Variants in VTI1B observed in about 807,000 individuals in gnomAD.
VTI1B encodes vesicle transport through interaction with t-SNAREs homolog 1B.
VTI1B carries 18 observed loss-of-function variants against 28.6 expected under a neutral mutation model. The ratio of observed to expected loss-of-function variants is 0.63; its 90% confidence interval spans 0.43 to 0.93. The LOEUF is 0.93. Among genes scored for constraint, VTI1B ranks in the 40% least tolerant of loss-of-function variants. VTI1B has a pLI of 0.00. For synonymous variants in VTI1B, 100 were observed against 107.9 expected (o/e 0.93, Z 0.46); for missense variants, 283 against 297.0 (o/e 0.95, Z 0.35).
At position 67,651,474 on chromosome 14, in the gene VTI1B, T is replaced by C. The variant is rs368386202; in HGVS notation, c.610A>G (p.Thr204Ala). The change falls in exon 6 of 6, where the codon ACC becomes GCC. Residue 204 changes from threonine (T) to alanine (A), a missense_variant. Coordinates refer to ENST00000554659, the MANE Select transcript of VTI1B (RefSeq NM_006370.3). ...ATAATGGAAAGCAGCAGCTTGTTGG[T>C]TGTCACTCTACAAAGAGAAGCAAAG... ...ILRSMSRKVT[T>A]NKLLLSIIIL... 9.9e-6 allele frequency: 16 copies of C among 1,613,604 alleles called. 1 individual carries two copies. The highest frequency in any genetic ancestry group is 5.5e-5 in the South Asian group (5 of 91,066).
chr14:67,654,896 G>A (rs2037234262), intron 4 of VTI1B, among the ~76,000 whole-genome samples: 1 of 152,080 alleles, frequency 6.6e-6, no homozygotes, highest in Middle Eastern at 3.4e-3. Context: ...GGGTGTGGTG[G>A]CAGACGCCTG....
Position 67,674,547 on chromosome 14 carries a change from A to C in VTI1B, c.-58T>G, listed in dbSNP as rs2037510550. On this transcript the variant is annotated 5_prime_UTR_variant, in exon 1 of 6. Transcript: ENST00000554659. The stretch of plus-strand genomic sequence containing the variant: ...GATTCGGGGCCCTGGGCCCTTTCCT[A>C]GCCCGGCGGTCAGCCGCCCAGCCCA... 2 of 1,461,490 alleles carry C rather than the reference A, an allele frequency of 1.4e-6. No homozygotes were observed. The highest frequency in any genetic ancestry group is 2.5e-5 in the East Asian group (1 of 39,626). 90.5% of individuals were successfully genotyped at this position (1,461,490 alleles called of 1,614,324 possible).
At chr14:67,665,310 G>A (rs2037388064) in intron 1 of VTI1B, among the ~76,000 whole-genome samples, 2 of 148,832 alleles carry the variant, frequency 1.3e-5, no homozygotes, top group South Asian at 4.2e-4. Context: ...GAGTGAAGTG[G>A]CATGATTACG....
rs1465990408 is a variant in VTI1B at position 67,651,453 on chromosome 14, T to C, written c.631A>G (p.Ile211Val). Reference sequence around the variant, plus strand: ...ATGGCGAGCTCCAGTAAGATGATAATGGAAAGCAGCAGCTTGTTGGTTGTC... The same window carrying C: ...ATGGCGAGCTCCAGTAAGATGATAACGGAAAGCAGCAGCTTGTTGGTTGTC... Reference protein sequence around the residue: ...KVTTNKLLLSIIILLELAILG... With the variant: ...KVTTNKLLLSVIILLELAILG... The change falls in exon 6 of 6, where the codon ATT (isoleucine) becomes GTT (valine). Residue 211 changes from isoleucine to valine, a missense_variant. Coordinates refer to ENST00000554659, the MANE Select transcript of VTI1B (RefSeq NM_006370.3). The C allele has an allele frequency of 3.1e-6, 5 of 1,613,938 alleles. No homozygotes were observed. The highest frequency in any genetic ancestry group is 2.2e-5 in the South Asian group (2 of 91,076).
At chr14:67,656,092 A>C (rs535347071) in intron 4 of VTI1B, among the ~76,000 whole-genome samples, 1 of 152,060 alleles carries the variant, frequency 6.6e-6, no homozygotes, top group Non-Finnish European at 1.5e-5. Context: ...CTAAAAATAC[A>C]AACATTAGCT....
chr14:67,654,439 T>C (rs1041076679), intron 4 of VTI1B, among the ~76,000 whole-genome samples: 2 of 152,138 alleles, frequency 1.3e-5, no homozygotes, highest in Non-Finnish European at 2.9e-5. Flanking sequence ...CCGGCCTCCT[T>C]GGCTTTTAAA....
At chr14:67,665,156 C>A (rs772819819) in intron 1 of VTI1B, among the ~76,000 whole-genome samples, 7 of 152,122 alleles carry the variant, frequency 4.6e-5, no homozygotes, top group Non-Finnish European at 8.8e-5. Flanking sequence ...CCCGGCCAAG[C>A]CCTGACTTTT....
chr14:67,648,904 G>A lies in VTI1B; in HGVS notation c.*2481C>T, dbSNP rs1371428456. On this transcript the variant is annotated 3_prime_UTR_variant, in exon 6 of 6. Coordinates refer to ENST00000554659, the MANE Select transcript of VTI1B (RefSeq NM_006370.3). ...ATCTGATGGAACTAGGGTATAGATA[G>A]AGACCCCAGATTGAAAGGTTCAGGG... The A allele has an allele frequency of 6.6e-6, 1 of 152,184 alleles. No individual in the cohort carries two copies. Among genetic ancestry groups the A allele is most frequent in the African/African-American group, 2.4e-5 (1 of 41,440 alleles). The allele number at this position is 152,184 out of a possible 1,614,324, so 9.4% of individuals were successfully genotyped here. A position where few individuals can be genotyped will look rare whatever the true frequency, so the allele number is the denominator to read the frequency against.
In VTI1B at chr14:67,650,696, TCA is replaced by T. The variant is rs780294795; in HGVS notation, c.*687_*688del. Reference sequence around the variant, plus strand: ...AGCAGCAAGGGAACCTGAGGTTTTGTCACACTTTGTTCTTCCAGGGTTGCTAT... The same window carrying T: ...AGCAGCAAGGGAACCTGAGGTTTTGTCACTTTGTTCTTCCAGGGTTGCTAT... On this transcript the variant is annotated 3_prime_UTR_variant, in exon 6 of 6. Transcript: ENST00000554659. 11 of 1,612,248 alleles carry T rather than the reference TCA, an allele frequency of 6.8e-6. No homozygotes were observed. The highest frequency in any genetic ancestry group is 5.0e-5 in the Admixed American group (3 of 59,994).
intron 3 of VTI1B, among the ~76,000 whole-genome samples, chr14:67,657,500 A>G (rs1190970214): frequency 6.6e-6 from 1 of 152,178 alleles, no homozygotes; most frequent in Non-Finnish European, 1.5e-5. Context: ...TACAGACAGC[A>G]GGAAGAAAAA....
intron 2 of VTI1B, among the ~76,000 whole-genome samples, chr14:67,660,774 T>C (rs965366937): frequency 1.4e-4 from 22 of 152,222 alleles, no homozygotes; most frequent in African/African-American, 5.3e-4. Context: ...CATAGGATTA[T>C]TACTTTTGCT....
intron 1 of VTI1B, among the ~76,000 whole-genome samples, chr14:67,663,370 A>G (rs2037362674): frequency 1.3e-5 from 2 of 152,138 alleles, no homozygotes; most frequent in South Asian, 4.1e-4. Context: ...ATAAGTTGAC[A>G]TAAAGAAAAT....
chr14:67,670,123 G>A (rs1170579547), intron 1 of VTI1B, among the ~76,000 whole-genome samples: 1 of 152,134 alleles, frequency 6.6e-6, no homozygotes, highest in East Asian at 1.9e-4. Context: ...CCGTTAGCAA[G>A]GTGACTGCCC....
Position 67,653,475 on chromosome 14 carries a change from CAA to C in VTI1B, c.562_563del (p.Leu188GlufsTer63), listed in dbSNP as rs866489425. 1.5e-5 allele frequency: 25 copies of C among 1,613,876 alleles called. No individual in the cohort carries two copies. The highest frequency in any genetic ancestry group is 2.0e-5 in the Non-Finnish European group (24 of 1,179,952). ...AACGGAGAATCTTCCGACTTTTGCT[CAA>C]GTTTTCACTTGTGTTTACCAGCTGA... is the stretch of plus-strand genomic sequence containing the variant. ...KSRLVNTSEN[L>X]SKSRKILRSM... On this transcript the variant is annotated frameshift_variant, in exon 5 of 6. Coordinates refer to ENST00000554659, the MANE Select transcript of VTI1B (RefSeq NM_006370.3). LOFTEE classifies it high-confidence loss of function.
intron 1 of VTI1B, among the ~76,000 whole-genome samples, chr14:67,667,974 T>G (rs369089553): frequency 4.3e-4 from 66 of 151,918 alleles, no homozygotes; most frequent in African/African-American, 1.1e-3. Flanking sequence ...ACAAAAAAAA[T>G]GAGGAGTTAG....
Position 67,647,821 on chromosome 14 carries a change from T to C in VTI1B, c.*3564A>G, listed in dbSNP as rs2037120352. 7.3e-6 allele frequency: 4 copies of C among 546,572 alleles called. No individual in the cohort carries two copies. Among genetic ancestry groups the C allele is most frequent in the South Asian group, 7.0e-5 (3 of 43,010 alleles). The allele number at this position is 546,572 out of a possible 1,614,324, so 33.9% of individuals were successfully genotyped here. A position where few individuals can be genotyped will look rare whatever the true frequency, so the allele number is the denominator to read the frequency against. On this transcript the variant is annotated 3_prime_UTR_variant, in exon 6 of 6. Transcript: ENST00000554659. The stretch of plus-strand genomic sequence containing the variant: ...CATTGGAGTTAGTCTGTCTGAGGTA[T>C]GCAGAACAAATGGCAGTATCATGAA...
At chr14:67,667,147 T>C (rs970124125) in intron 1 of VTI1B, among the ~76,000 whole-genome samples, 5 of 152,028 alleles carry the variant, frequency 3.3e-5, no homozygotes, top group African/African-American at 1.2e-4. Flanking sequence ...TGGAGTAAAA[T>C]GGAAACAGAC....
chr14:67,650,715 G>T lies in VTI1B; in HGVS notation c.*670C>A. ...GTTTTGTCACACTTTGTTCTTCCAG[G>T]GTTGCTATCAGCACTGGATCTTGTT... On this transcript the variant is annotated 3_prime_UTR_variant, in exon 6 of 6. Transcript: ENST00000554659. 1.2e-6 allele frequency: 2 copies of T among 1,613,534 alleles called. No individual in the cohort carries two copies. The highest frequency in any genetic ancestry group is 2.2e-5 in the South Asian group (2 of 91,054).
rs544102029 is a variant in VTI1B, at chr14:67,657,598, G to GCA, written c.367-1011_367-1010dup. Among the ~76,000 whole-genome samples, 837 of 112,378 alleles carry GCA rather than the reference G, an allele frequency of 7.4e-3. 3 individuals carry two copies. Among genetic ancestry groups the GCA allele is most frequent in the African/African-American group, 0.014 (389 of 28,282 alleles). The allele number at this position is 112,378 out of a possible 152,430, so 73.7% of individuals were successfully genotyped here. On this transcript the variant is annotated intron_variant, in intron 3 of 5. Coordinates refer to ENST00000554659, the MANE Select transcript of VTI1B (RefSeq NM_006370.3). ...AGCTGTTCAAAGCACGCGCGCGCGT[G>GCA]CACACACACACACACACACACACAC...
Sources: allele counts gnomAD v4.1 joint callset (sites outside exome capture counted in the v4.1 genomes callset), GRCh38; gene constraint gnomAD v4.1.1; transcripts MANE v1.5; gene names NCBI Gene and HGNC (gene_info 2026-07-23, HGNC 2026-07-21).